The following GALNT13 variants were observed in gnomAD, a reference collection of about 807,000 sequenced individuals.
GALNT13 encodes the protein UDP-GalNAc:polypeptide N-acetylgalactosaminyltransferase 13.
In GALNT13, 28 loss-of-function variants were observed where a neutral mutation model predicts 64.2. The ratio of observed to expected loss-of-function variants is 0.44; its 90% confidence interval spans 0.32 to 0.60. GALNT13 has a LOEUF of 0.60. Ranked by LOEUF, GALNT13 falls within the 20% of genes least tolerant of loss-of-function variation. The pLI, the probability that GALNT13 is intolerant of heterozygous loss-of-function variation, is 0.05. For missense variants in GALNT13, 577 were observed against 669.8 expected (o/e 0.86, Z 1.53); for synonymous variants, 214 against 224.6 (o/e 0.95, Z 0.42).
At chr2:153,526,861 A>T in the GALNT13 span, among the ~76,000 whole-genome samples, 2 of 151,940 alleles carry the variant, frequency 1.3e-5, no homozygotes, top group South Asian at 4.1e-4. Context: ...AATTAAAAAT[A>T]AACAAGCAGA....
At chr2:154,334,073 G>A (rs1695309178) in intron 9 of GALNT13, among the ~76,000 whole-genome samples, 1 of 130,234 alleles carries the variant, frequency 7.7e-6, no homozygotes, top group African/African-American at 2.7e-5. Flanking sequence ...CCTCATGGAT[G>A]ACTTTTTTTC....
chr2:153,882,866 C>T (rs969009734), intron 1 of GALNT13, among the ~76,000 whole-genome samples: 2 of 151,150 alleles, frequency 1.3e-5, no homozygotes, highest in Admixed American at 1.3e-4. Context: ...TTCTTAACTA[C>T]ATAAAACAGC....
chr2:154,418,101 A>T (rs1700102305), intron 11 of GALNT13, among the ~76,000 whole-genome samples: 1 of 152,164 alleles, frequency 6.6e-6, no homozygotes, highest in Admixed American at 6.6e-5. Context: ...AAATCCCCTT[A>T]CAGGAATAAA....
At chr2:154,051,550 A>G (rs1382557100) in intron 3 of GALNT13, among the ~76,000 whole-genome samples, 2 of 151,002 alleles carry the variant, frequency 1.3e-5, no homozygotes, top group African/African-American at 4.9e-5. Flanking sequence ...TCGGCCTCCC[A>G]AAGTGCTGGG....
At chr2:153,939,263 A>G (rs1191184069) in intron 2 of GALNT13, among the ~76,000 whole-genome samples, 1 of 152,212 alleles carries the variant, frequency 6.6e-6, no homozygotes, top group African/African-American at 2.4e-5. Flanking sequence ...GACTGGGCAG[A>G]GAAAGCACAA....
chr2:154,322,144 CTTTTTTTTTTTT>C (rs70983718), intron 9 of GALNT13, among the ~76,000 whole-genome samples: 46 of 16,640 alleles, frequency 2.8e-3, no homozygotes, highest in African/African-American at 0.011. Context: ...AAAATATGTA[CTTTTTTTTTTTT>C]TTTTTTTTTT....
chr2:153,120,265 C>A, the GALNT13 span, among the ~76,000 whole-genome samples: 5 of 152,240 alleles, frequency 3.3e-5, no homozygotes, highest in East Asian at 9.6e-4. Flanking sequence ...CCCCACCCAA[C>A]TCTTCACGTG....
At chr2:153,911,250 C>G (rs145092882) in intron 2 of GALNT13, among the ~76,000 whole-genome samples, 53 of 152,074 alleles carry the variant, frequency 3.5e-4, no homozygotes, top group African/African-American at 1.2e-3. Flanking sequence ...TTTATGTTTT[C>G]CATTTGCTTG....
At chr2:153,544,638 C>T in the GALNT13 span, among the ~76,000 whole-genome samples, 2 of 152,080 alleles carry the variant, frequency 1.3e-5, no homozygotes, top group Admixed American at 1.3e-4. Flanking sequence ...TAGGTAGGAA[C>T]CCATGATTCA....
chr2:153,501,254 T>C, the GALNT13 span, among the ~76,000 whole-genome samples: 1 of 152,192 alleles, frequency 6.6e-6, no homozygotes, highest in Non-Finnish European at 1.5e-5. Context: ...GACTTAGCTT[T>C]TCAGTCTGTT....
At chr2:154,225,695 C>T (rs556231237) in intron 4 of GALNT13, among the ~76,000 whole-genome samples, 62 of 152,094 alleles carry the variant, frequency 4.1e-4, no homozygotes, top group Non-Finnish European at 6.8e-4. Context: ...CATAGTTTTA[C>T]GTGATATGGA....
intron 3 of GALNT13, among the ~76,000 whole-genome samples, chr2:154,092,314 T>C (rs1314694172): frequency 6.6e-6 from 1 of 152,030 alleles, no homozygotes; most frequent in Non-Finnish European, 1.5e-5. Context: ...AAATAAGAAC[T>C]ATTTAAAATC....
chr2:154,336,318 T>C (rs1030832968), intron 9 of GALNT13, among the ~76,000 whole-genome samples: 5 of 152,080 alleles, frequency 3.3e-5, no homozygotes, highest in African/African-American at 4.8e-5. Flanking sequence ...ACCTACTCAG[T>C]GATCATCAGG....
intron 3 of GALNT13, among the ~76,000 whole-genome samples, chr2:154,097,116 A>G (rs1476251239): frequency 1.3e-5 from 2 of 152,104 alleles, no homozygotes; most frequent in Non-Finnish European, 2.9e-5. Context: ...AGGATTTGCC[A>G]TAAATACATA....
At chr2:154,218,241 G>A (rs1573898328) in intron 4 of GALNT13, among the ~76,000 whole-genome samples, 1 of 152,024 alleles carries the variant, frequency 6.6e-6, no homozygotes, top group East Asian at 1.9e-4. Context: ...TTTCCTCAAA[G>A]GCTTTGAACA....
intron 9 of GALNT13, among the ~76,000 whole-genome samples, chr2:154,390,565 T>C (rs929440221): frequency 6.6e-6 from 1 of 152,232 alleles, no homozygotes; most frequent in Non-Finnish European, 1.5e-5. Flanking sequence ...GATCTCGTTC[T>C]TTTTTATGGC....
At chr2:153,767,005 A>G in the GALNT13 span, among the ~76,000 whole-genome samples, 78 of 152,178 alleles carry the variant, frequency 5.1e-4, no homozygotes, top group South Asian at 1.5e-3. Context: ...TTACATAGGT[A>G]TATTGTGTAC....
the GALNT13 span, among the ~76,000 whole-genome samples, chr2:153,325,125 T>G: frequency 2.1e-5 from 3 of 145,498 alleles, no homozygotes; most frequent in Non-Finnish European, 4.5e-5. Flanking sequence ...TTTTTTTTTT[T>G]TTTTTTTTTT....
At chr2:153,558,491 T>C in the GALNT13 span, among the ~76,000 whole-genome samples, 1 of 152,238 alleles carries the variant, frequency 6.6e-6, no homozygotes, top group Non-Finnish European at 1.5e-5. Context: ...TCTCTTTAGC[T>C]GATCTCCTCA....
Sources: gnomAD v4.1 joint callset for allele counts (sites outside exome capture counted in the v4.1 genomes callset) on GRCh38, gnomAD v4.1.1 for gene constraint, MANE v1.5 for transcripts, NCBI Gene and HGNC (gene_info 2026-07-23, HGNC 2026-07-21) for gene names.